The following TCEAL4 variants were observed in gnomAD, a reference collection of about 807,000 sequenced individuals.
TCEAL4 encodes transcription elongation factor A protein-like 4.
A neutral mutation model predicts 1.3 loss-of-function variants in TCEAL4; 1 was observed. The ratio of observed to expected loss-of-function variants is 0.79; its 90% CI spans 0.28 to 3.76. The LOEUF (loss-of-function observed/expected upper bound fraction) is 3.76. Ranked by LOEUF, TCEAL4 falls within the 30% of genes most tolerant of loss-of-function variation. The pLI is 0.18. For synonymous variants in TCEAL4, 54 were observed against 50.7 expected, an observed-to-expected ratio of 1.06 and a Z score of -0.28; for missense variants, 129 against 154.7, an observed-to-expected ratio of 0.83 and a Z score of 0.88.
rs1338621584 is a variant in TCEAL4 at position 103,587,537 on chromosome X, T to C, written c.*214T>C. The C allele has an allele frequency of 5.4e-6, 2 of 367,025 alleles. No homozygotes were observed. The highest frequency in any genetic ancestry group is 9.2e-6 in the Non-Finnish European group (2 of 218,454). The allele number at this position is 367,025 out of a possible 1,213,427, so 30.2% of individuals were successfully genotyped here. ...AACCAAATATATGGCATCAGTACAT[T>C]TTTGTAAAACTACAAAGATACTTAC... On this transcript the variant is annotated 3_prime_UTR_variant, in exon 3 of 3. Transcript: ENST00000472484.
chrX:103,576,295 T>G, exon 1 of TCEAL4: 1 of 630,690 alleles, frequency 1.6e-6, no homozygotes, highest in Non-Finnish European at 2.4e-6. Context: ...ATTTCAGGCT[T>G]TGTGGGATAT....
At chrX:103,584,117 G>A (rs920831552), upstream of TCEAL4, among the ~76,000 whole-genome samples, 2 of 110,269 alleles carry the variant, frequency 1.8e-5, no homozygotes, top group South Asian at 7.9e-4. Flanking sequence ...TAGTAGAGAT[G>A]GGGTTTCACC....
chrX:103,586,296 G>A lies in TCEAL4; in HGVS notation c.-28+5G>A, dbSNP rs1396029659. ...ACCTGTCCAGAATCCCCGCAGGTCC[G>A]TGAAAGTACGGGGCTGCATGGACAG... On this transcript the variant is annotated splice_donor_5th_base_variant and intron_variant, in intron 2 of 2. Coordinates refer to ENST00000472484, the MANE Select transcript of TCEAL4 (RefSeq NM_001006935.3). 26 of 1,165,222 alleles carry A rather than the reference G, an allele frequency of 2.2e-5. No homozygotes were observed. The highest frequency in any genetic ancestry group is 2.6e-5 in the Non-Finnish European group (23 of 872,742).
intron 1 of TCEAL4, 101 bp downstream of exon 1, chrX:103,585,725 C>G: frequency 6.0e-6 from 7 of 1,159,584 alleles, no homozygotes; most frequent in Non-Finnish European, 8.1e-6. Flanking sequence ...CGGGTCGAGT[C>G]GAGGGAAGCT....
upstream of TCEAL4, among the ~76,000 whole-genome samples, chrX:103,584,867 T>A (rs1012288186): frequency 8.9e-6 from 1 of 112,652 alleles, no homozygotes; most frequent in African/African-American, 3.2e-5. Context: ...TATGGGTTCA[T>A]ATTTGGGTTT....
chrX:103,581,435 C>T (rs868174559), upstream of TCEAL4, among the ~76,000 whole-genome samples: 6 of 111,023 alleles, frequency 5.4e-5, no homozygotes, highest in African/African-American at 2.0e-4. Context: ...AGAGATACAA[C>T]AAAAAAGAGA....
Position 103,586,262 on chromosome X carries a change from G to A in TCEAL4, c.-57G>A. ...CCCAGCGCTCTGCGAAGCCTGAAAAGGAGGAGCAACCTGTCCAGAATCCCC... is the reference window on the plus strand; with the variant it reads ...CCCAGCGCTCTGCGAAGCCTGAAAAAGAGGAGCAACCTGTCCAGAATCCCC... On this transcript the variant is annotated 5_prime_UTR_variant, in exon 2 of 3. Coordinates refer to ENST00000472484, the MANE Select transcript of TCEAL4 (RefSeq NM_001006935.3). 8.6e-7 allele frequency: 1 copy of A among 1,166,780 alleles called. No individual in the cohort carries two copies.
chrX:103,577,121 A>G (rs1423073621), exon 2 of TCEAL4: 2 of 1,167,339 alleles, frequency 1.7e-6, no homozygotes, highest in Non-Finnish European at 1.1e-6. Flanking sequence ...AGGAAGAGAC[A>G]AAGTCCACAT....
At chrX:103,577,877 T>A (rs1226717664) in intron 2 of TCEAL4, among the ~76,000 whole-genome samples, 2 of 111,841 alleles carry the variant, frequency 1.8e-5, no homozygotes, top group Admixed American at 9.5e-5. Context: ...GGGTGCATAA[T>A]CCAATGGTTT....
chrX:103,577,288 T>C, intron 2 of TCEAL4: 1 of 1,058,944 alleles, frequency 9.4e-7, no homozygotes, highest in East Asian at 3.4e-5. Flanking sequence ...ATGGAACATT[T>C]CTAATGCTAA....
chrX:103,584,137 A>G (rs2073522076), upstream of TCEAL4, among the ~76,000 whole-genome samples: 1 of 110,688 alleles, frequency 9.0e-6, no homozygotes, highest in African/African-American at 3.3e-5. Context: ...CATCCTGGTC[A>G]GGCTGGTCTT....
At chrX:103,586,384 C>G (rs1342897827) in intron 2 of TCEAL4, 93 bp downstream of exon 2, 1 of 1,037,984 alleles carries the variant, frequency 9.6e-7, no homozygotes, top group Non-Finnish European at 1.3e-6. Flanking sequence ...CTTTCCCATT[C>G]CCCCACCCAC....
At chrX:103,585,112 T>G (rs1179876938), upstream of TCEAL4, among the ~76,000 whole-genome samples, 1 of 112,596 alleles carries the variant, frequency 8.9e-6, no homozygotes, top group East Asian at 2.8e-4. Context: ...TATTTTTTAT[T>G]CATTTGAAAA....
chrX:103,577,383 T>G (rs1476927109), intron 2 of TCEAL4, among the ~76,000 whole-genome samples: 1 of 112,106 alleles, frequency 8.9e-6, no homozygotes, highest in South Asian at 3.7e-4. Flanking sequence ...GGTAGTCCTA[T>G]GTAGACTGAC....
Position 103,587,319 on chromosome X carries a change from T to C in TCEAL4, c.644T>C (p.Val215Ala). The C allele has an allele frequency of 8.6e-7, 1 of 1,166,880 alleles. No homozygotes were observed. Among genetic ancestry groups the C allele is most frequent in the Non-Finnish European group, 1.1e-6 (1 of 876,898 alleles). The change falls in exon 3 of 3, where the codon GTG becomes GCG. Residue 215 changes from valine (V) to alanine (A), a missense_variant. Transcript: ENST00000472484. ...AGGGACATTGAAGACATTCCTTATG[T>C]GTAGTGTCCCTGGCAGGCATTTACC... ...PRRDIEDIPY[V>A]
chrX:103,585,518 C>T lies in TCEAL4; in HGVS notation c.-207C>T. ...GGCTGCGGCATTCACGTGATCTGCA[C>T]GGGCGCAGATGTAGGCACCGGTCCG... is the stretch of plus-strand genomic sequence containing the variant. On this transcript the variant is annotated 5_prime_UTR_variant, in exon 1 of 3. In the 5' UTR this introduces an upstream ATG that the reference lacks. Coordinates refer to ENST00000472484, the MANE Select transcript of TCEAL4 (RefSeq NM_001006935.3). 3.5e-6 allele frequency: 4 copies of T among 1,142,564 alleles called. No individual in the cohort carries two copies. The highest frequency in any genetic ancestry group is 6.6e-5 in the East Asian group (2 of 30,117). The allele number at this position is 1,142,564 out of a possible 1,213,427, so 94.2% of individuals were successfully genotyped here.
In TCEAL4 at chrX:103,587,167, G is replaced by A. The variant is rs1299522771; in HGVS notation, c.492G>A (p.Lys164=). ...TAAGAGAATTTGACAATATGGCTAA[G>A]GTGCAGGATGAGAAGAGAAAAAGCA... is the stretch of plus-strand genomic sequence containing the variant. ...DMIREFDNMA[K]VQDEKRKSKQ... The change falls in exon 3 of 3, where the codon AAG becomes AAA. Residue 164 remains lysine, a synonymous_variant. Coordinates refer to ENST00000472484, the MANE Select transcript of TCEAL4 (RefSeq NM_001006935.3). 4.1e-6 allele frequency: 5 copies of A among 1,209,282 alleles called. No homozygotes were observed. Among genetic ancestry groups the A allele is most frequent in the Non-Finnish European group, 5.6e-6 (5 of 895,114 alleles).
upstream of TCEAL4, among the ~76,000 whole-genome samples, chrX:103,584,302 G>A (rs1431086113): frequency 9.0e-6 from 1 of 111,701 alleles, no homozygotes; most frequent in African/African-American, 3.3e-5. Context: ...TAAGAGCAGG[G>A]GAGAGTGCAT....
intron 1 of TCEAL4, chrX:103,576,573 G>A: frequency 1.3e-6 from 1 of 751,095 alleles, no homozygotes; most frequent in Non-Finnish European, 2.0e-6. Context: ...AGGCCAGCCT[G>A]GCCAACATGG....
Sources: gnomAD v4.1 joint callset for allele counts (sites outside exome capture counted in the v4.1 genomes callset) on GRCh38, gnomAD v4.1.1 for gene constraint, MANE v1.5 for transcripts, NCBI Gene and HGNC (gene_info 2026-07-23, HGNC 2026-07-21) for gene names.